Variants in GRK3 observed in about 807,000 individuals in gnomAD.
The protein encoded by GRK3 is G protein-coupled receptor kinase 3.
In GRK3, 54 loss-of-function variants were observed where a neutral mutation model predicts 95.7. The observed-to-expected ratio is 0.56, with a 90% CI of 0.45 to 0.71. The LOEUF is 0.71. Ranked by LOEUF, GRK3 falls within the 30% of genes least tolerant of loss-of-function variation. GRK3 has a pLI of 0.00. For synonymous variants in GRK3, 281 were observed against 290.8 expected (o/e 0.97, Z 0.34); for missense variants, 649 against 851.2 (o/e 0.76, Z 2.96).
chr22:25,603,438 G>A (rs572607965), intron 1 of GRK3, among the ~76,000 whole-genome samples: 97 of 152,186 alleles, frequency 6.4e-4, no homozygotes, highest in African/African-American at 2.2e-3. Flanking sequence ...TCTATTATAT[G>A]TCAAAGTTGA....
intron 11 of GRK3, among the ~76,000 whole-genome samples, chr22:25,688,051 A>C (rs965145451): frequency 1.3e-5 from 2 of 152,222 alleles, no homozygotes; most frequent in South Asian, 2.1e-4. Flanking sequence ...CCTGGCTAAC[A>C]CAGTGAAACC....
At chr22:25,680,679 A>G (rs1369193326) in intron 9 of GRK3, among the ~76,000 whole-genome samples, 1 of 152,208 alleles carries the variant, frequency 6.6e-6, no homozygotes, top group Non-Finnish European at 1.5e-5. Flanking sequence ...GAACTAATTT[A>G]AAAGAATTAT....
chr22:25,620,490 C>CTT (rs1470460436), intron 2 of GRK3, among the ~76,000 whole-genome samples: 1 of 152,164 alleles, frequency 6.6e-6, no homozygotes, highest in East Asian at 1.9e-4. Flanking sequence ...CAGCCCGGCT[C>CTT]TAAGAGCAGG....
At chr22:25,721,424 A>C in intron 20 of GRK3, 27 bp downstream of exon 20, 3 of 1,263,112 alleles carry the variant, frequency 2.4e-6, no homozygotes, top group Non-Finnish European at 3.4e-6. Context: ...TCTTAGGTGA[A>C]TGTTAGAATA....
At chr22:25,600,155 T>A (rs914247565) in intron 1 of GRK3, among the ~76,000 whole-genome samples, 3 of 151,732 alleles carry the variant, frequency 2.0e-5, no homozygotes, top group Admixed American at 2.0e-4. Flanking sequence ...GGGTTTTTTT[T>A]TTTTTTTTTG....
At chr22:25,628,667 C>T (rs1184863642) in intron 2 of GRK3, among the ~76,000 whole-genome samples, 1 of 152,190 alleles carries the variant, frequency 6.6e-6, no homozygotes, top group African/African-American at 2.4e-5. Context: ...GTAATACAAA[C>T]ACTTGTAACA....
chr22:25,647,480 G>C, intron 3 of GRK3: 1 of 1,347,712 alleles, frequency 7.4e-7, no homozygotes, highest in Non-Finnish European at 1.1e-6. Flanking sequence ...TTTTGGAGGT[G>C]GGCATCTTCC....
chr22:25,589,340 C>G (rs545097925), intron 1 of GRK3, among the ~76,000 whole-genome samples: 1 of 152,106 alleles, frequency 6.6e-6, no homozygotes, highest in Non-Finnish European at 1.5e-5. Context: ...CTATTCTTGG[C>G]CCGTAGGGAG....
intron 2 of GRK3, among the ~76,000 whole-genome samples, chr22:25,621,615 C>G (rs1175265620): frequency 6.6e-6 from 1 of 152,138 alleles, no homozygotes; most frequent in Non-Finnish European, 1.5e-5. Context: ...AAACTTTAGT[C>G]TTATACTTGG....
chr22:25,648,409 C>T (rs1157506008), intron 3 of GRK3: 2 of 1,280,686 alleles, frequency 1.6e-6, no homozygotes, highest in Non-Finnish European at 2.3e-6. Flanking sequence ...GCAAAAGATG[C>T]TTGGGAAATC....
At chr22:25,709,870 A>T (rs1381775044) in intron 15 of GRK3, 28 bp from the exon 16 acceptor site, 6 of 1,564,986 alleles carry the variant, frequency 3.8e-6, no homozygotes, top group Non-Finnish European at 5.3e-6. Flanking sequence ...ATGCATACTC[A>T]GCACTGTTAT....
chr22:25,714,838 G>A (rs934124779), intron 18 of GRK3, among the ~76,000 whole-genome samples: 8 of 152,102 alleles, frequency 5.3e-5, no homozygotes, highest in Non-Finnish European at 7.4e-5. Flanking sequence ...TGGTTTGGAC[G>A]TTTTTTCCTT....
At chr22:25,577,025 A>G (rs1442601806) in intron 1 of GRK3, among the ~76,000 whole-genome samples, 1 of 152,194 alleles carries the variant, frequency 6.6e-6, no homozygotes, top group Non-Finnish European at 1.5e-5. Context: ...CAACTAAGCT[A>G]CATGTCATGA....
intron 1 of GRK3, among the ~76,000 whole-genome samples, chr22:25,574,483 G>A (rs1054331659): frequency 2.0e-5 from 3 of 152,142 alleles, no homozygotes; most frequent in African/African-American, 7.2e-5. Flanking sequence ...GTGAGGTCTC[G>A]TCTCAAAATA....
chr22:25,590,524 T>A (rs1932456234), intron 1 of GRK3, among the ~76,000 whole-genome samples: 1 of 152,156 alleles, frequency 6.6e-6, no homozygotes, highest in Non-Finnish European at 1.5e-5. Flanking sequence ...AATGGTGCAA[T>A]TAAAACAAAC....
rs551039924 is a variant in GRK3 at position 25,606,547 on chromosome 22, A to G, written c.190+2094A>G. Among the ~76,000 whole-genome samples the G allele has an allele frequency of 2.6e-5, 4 of 152,018 alleles. No homozygotes were observed. The East Asian group carries it at 7.7e-4, about 29-fold the overall frequency. ...CCAGGTTCCGTTTGCGCCTTCCATC[A>G]CTGACTCCATGCGTTCCTGCCCTAC... On this transcript the variant is annotated intron_variant, in intron 2 of 20. Coordinates refer to ENST00000324198, the MANE Select transcript of GRK3 (RefSeq NM_005160.4).
At chr22:25,648,463 GT>G (rs1449583910) in intron 3 of GRK3, 1 of 1,345,118 alleles carries the variant, frequency 7.4e-7, no homozygotes, top group Non-Finnish European at 1.1e-6. Context: ...GGACAAGGAT[GT>G]TTTGGCAAAG....
intron 3 of GRK3, among the ~76,000 whole-genome samples, chr22:25,659,367 A>T (rs1411045373): frequency 2.0e-5 from 3 of 152,190 alleles, no homozygotes; most frequent in African/African-American, 4.8e-5. Context: ...TGGTGGTGGA[A>T]CAAAGGGTGG....
At chr22:25,621,215 T>C (rs776031732) in intron 2 of GRK3, among the ~76,000 whole-genome samples, 4 of 152,262 alleles carry the variant, frequency 2.6e-5, no homozygotes, top group Admixed American at 6.5e-5. Flanking sequence ...TGTGGTGTGG[T>C]AGGTAATTTC....
Sources: allele counts gnomAD v4.1 joint callset (sites outside exome capture counted in the v4.1 genomes callset), GRCh38; gene constraint gnomAD v4.1.1; transcripts MANE v1.5; gene names NCBI Gene and HGNC (gene_info 2026-07-23, HGNC 2026-07-21).